DPP10: variants seen among roughly 807,000 people sequenced by gnomAD.
DPP10 encodes inactive dipeptidyl peptidase 10.
DPP10 carries 33 observed loss-of-function variants against 120.9 expected under a neutral mutation model. The observed-to-expected ratio is 0.27, with a 90% CI of 0.21 to 0.37. The LOEUF (loss-of-function observed/expected upper bound fraction) is 0.37, where lower values mean the gene tolerates loss of function less well. Ranked by LOEUF, DPP10 falls within the 10% of genes least tolerant of loss-of-function variation. The pLI, the probability that DPP10 is intolerant of heterozygous loss-of-function variation, is 1.00. For synonymous variants in DPP10, 337 were observed against 326.1 expected (o/e 1.03, Z -0.36); for missense variants, 816 against 942.8 (o/e 0.87, Z 1.76).
At chr2:115,086,610 C>CT (rs1708725331) in intron 1 of DPP10, among the ~76,000 whole-genome samples, 1 of 152,094 alleles carries the variant, frequency 6.6e-6, no homozygotes, top group African/African-American at 2.4e-5. Flanking sequence ...GCGCCCACCA[C>CT]TATGCCTGGC....
chr2:114,729,024 T>A (rs1574056713), intron 1 of DPP10, among the ~76,000 whole-genome samples: 1 of 152,306 alleles, frequency 6.6e-6, no homozygotes, highest in Middle Eastern at 3.4e-3. Context: ...GAGGGAGGTT[T>A]AACGGAGACA....
At chr2:115,552,043 C>T (rs2079907852) in intron 5 of DPP10, among the ~76,000 whole-genome samples, 1 of 152,066 alleles carries the variant, frequency 6.6e-6, no homozygotes, top group Non-Finnish European at 1.5e-5. Context: ...AGGTGTGCCA[C>T]ACCTATTCCA....
intron 19 of DPP10, among the ~76,000 whole-genome samples, chr2:115,793,708 G>T (rs183154162): frequency 0.014 from 2,075 of 151,934 alleles, 50 homozygotes; most frequent in African/African-American, 0.045. Context: ...ATGAAAATGA[G>T]TATAAAATCA....
chr2:115,702,206 G>C (rs370659495), intron 7 of DPP10, among the ~76,000 whole-genome samples: 3 of 152,048 alleles, frequency 2.0e-5, no homozygotes, highest in African/African-American at 7.2e-5. Context: ...GTAGAACTTA[G>C]TCGTGTTGAA....
intron 1 of DPP10, among the ~76,000 whole-genome samples, chr2:115,140,545 T>C (rs562178207): frequency 1.3e-5 from 2 of 152,304 alleles, no homozygotes; most frequent in African/African-American, 2.4e-5. Flanking sequence ...CTCTTTTAAA[T>C]AGCTTATTTT....
At chr2:114,648,915 T>C (rs1458188513) in intron 1 of DPP10, among the ~76,000 whole-genome samples, 1 of 152,164 alleles carries the variant, frequency 6.6e-6, no homozygotes, top group African/African-American at 2.4e-5. Flanking sequence ...TATGCCAAAT[T>C]TTCTCCAATC....
At chr2:114,732,772 A>G (rs1164078708) in intron 1 of DPP10, among the ~76,000 whole-genome samples, 1 of 152,196 alleles carries the variant, frequency 6.6e-6, no homozygotes, top group Non-Finnish European at 1.5e-5. Flanking sequence ...TACTCTTACT[A>G]TATGCCAAGC....
chr2:114,594,374 A>G (rs1302380334), intron 1 of DPP10, among the ~76,000 whole-genome samples: 1 of 150,090 alleles, frequency 6.7e-6, no homozygotes, highest in Non-Finnish European at 1.5e-5. Context: ...TTTTACATAT[A>G]TATATATATG....
chr2:115,259,506 A>G (rs2059156248), intron 1 of DPP10, among the ~76,000 whole-genome samples: 1 of 151,966 alleles, frequency 6.6e-6, no homozygotes, highest in Non-Finnish European at 1.5e-5. Flanking sequence ...AAAGAAAGAA[A>G]GAATAGCAAA....
At chr2:114,695,614 A>G (rs1227877374) in intron 1 of DPP10, among the ~76,000 whole-genome samples, 2 of 152,126 alleles carry the variant, frequency 1.3e-5, no homozygotes, top group African/African-American at 2.4e-5. Context: ...GGAACATAAC[A>G]TGACACTAAG....
At chr2:115,201,913 C>T (rs1229203502) in intron 1 of DPP10, among the ~76,000 whole-genome samples, 1 of 152,148 alleles carries the variant, frequency 6.6e-6, no homozygotes, top group Admixed American at 6.5e-5. Context: ...GTGAGAACGT[C>T]TCTCATTTCC....
At chr2:114,579,776 G>A (rs550889237) in intron 1 of DPP10, among the ~76,000 whole-genome samples, 8 of 152,172 alleles carry the variant, frequency 5.3e-5, no homozygotes, top group South Asian at 4.2e-4. Flanking sequence ...TATTTGTTCC[G>A]GAGTCTTTAA....
intron 1 of DPP10, among the ~76,000 whole-genome samples, chr2:115,275,866 A>AT (rs1483228020): frequency 2.0e-5 from 3 of 151,674 alleles, no homozygotes; most frequent in Non-Finnish European, 4.4e-5. Context: ...CGCCCGGCTA[A>AT]TTTTTTTGTA....
intron 1 of DPP10, among the ~76,000 whole-genome samples, chr2:114,777,890 C>G (rs939173627): frequency 3.3e-5 from 5 of 151,992 alleles, no homozygotes; most frequent in Non-Finnish European, 7.4e-5. Context: ...CTCATATCCG[C>G]AATTTTATGA....
At chr2:114,865,425 A>C (rs1367032570) in intron 1 of DPP10, among the ~76,000 whole-genome samples, 1 of 152,224 alleles carries the variant, frequency 6.6e-6, no homozygotes, top group Non-Finnish European at 1.5e-5. Flanking sequence ...ATAAATTCAT[A>C]AATAAATCTA....
chr2:115,633,143 A>G lies in DPP10; in HGVS notation c.442-56544A>G, dbSNP rs1377113049. Reference sequence around the variant, plus strand: ...AGACACATGCACACGTATGTTTATTATGGCACTATTCACAATAGCAAAGAC... The same window carrying G: ...AGACACATGCACACGTATGTTTATTGTGGCACTATTCACAATAGCAAAGAC... On this transcript the variant is annotated intron_variant, in intron 5 of 25. Coordinates refer to ENST00000410059, the MANE Select transcript of DPP10 (RefSeq NM_020868.6). Among the ~76,000 whole-genome samples, 10 of 152,116 alleles carry G rather than the reference A, an allele frequency of 6.6e-5. No homozygotes were observed. The South Asian group carries it at 1.2e-3, about 19-fold the overall frequency.
chr2:115,346,232 G>A (rs2063705079), intron 3 of DPP10, among the ~76,000 whole-genome samples: 1 of 152,136 alleles, frequency 6.6e-6, no homozygotes, highest in Non-Finnish European at 1.5e-5. Context: ...TGTAACCTTG[G>A]CCTCATTATC....
chr2:114,461,467 T>G, intron 1 of DPP10: 1 of 590,050 alleles, frequency 1.7e-6, no homozygotes, highest in Non-Finnish European at 2.1e-6. Context: ...AAGGTTGCCT[T>G]TACTTAGGAT....
chr2:115,535,562 G>T (rs1489132313), intron 5 of DPP10, among the ~76,000 whole-genome samples: 1 of 150,644 alleles, frequency 6.6e-6, no homozygotes, highest in Non-Finnish European at 1.5e-5. Flanking sequence ...CTCCAGCTTT[G>T]TTCTTTTGGC....
Sources: gnomAD v4.1 joint callset for allele counts (sites outside exome capture counted in the v4.1 genomes callset) on GRCh38, gnomAD v4.1.1 for gene constraint, MANE v1.5 for transcripts, NCBI Gene and HGNC (gene_info 2026-07-23, HGNC 2026-07-21) for gene names.